The following SNX13 variants were observed in gnomAD, a reference collection of about 807,000 sequenced individuals.
The protein encoded by SNX13 is sorting nexin-13.
In SNX13, 45 loss-of-function variants were observed where a neutral mutation model predicts 133.6. The ratio of observed to expected loss-of-function variants is 0.34; its 90% CI spans 0.27 to 0.43. The LOEUF (loss-of-function observed/expected upper bound fraction) is 0.43. Ranked by LOEUF, SNX13 falls within the 20% of genes least tolerant of loss-of-function variation. The pLI, the probability that SNX13 is intolerant of heterozygous loss-of-function variation, is 1.00. For synonymous variants in SNX13, 414 were observed against 373.9 expected (o/e 1.11, Z -1.24); for missense variants, 1,032 against 1,145.1 (o/e 0.90, Z 1.43).
At chr7:17,887,038 G>C (rs1456705889) in intron 5 of SNX13, among the ~76,000 whole-genome samples, 1 of 150,754 alleles carries the variant, frequency 6.6e-6, no homozygotes, top group Admixed American at 6.6e-5. Flanking sequence ...GAACATAATA[G>C]CAACAATAAT....
chr7:17,872,818 A>G (rs1244661094), intron 8 of SNX13, among the ~76,000 whole-genome samples: 3 of 152,212 alleles, frequency 2.0e-5, no homozygotes, highest in Non-Finnish European at 4.4e-5. Context: ...CAACCAGGAC[A>G]TGTTCTTGTG....
chr7:17,837,205 G>T (rs565294863), intron 13 of SNX13, among the ~76,000 whole-genome samples: 1 of 151,886 alleles, frequency 6.6e-6, no homozygotes, highest in Non-Finnish European at 1.5e-5. Context: ...ATATGATCAC[G>T]GTTCACTGCA....
chr7:17,893,400 T>C lies in SNX13; in HGVS notation c.160A>G (p.Asn54Asp), dbSNP rs766167472. Residue 54 changes from asparagine (N) to aspartate (D), a missense_variant, in exon 3 of 26, where the codon AAC (asparagine) becomes GAC (aspartate). Asn to Asp is a conservative substitution (Grantham distance 23). Coordinates refer to ENST00000428135, the MANE Select transcript of SNX13 (RefSeq NM_015132.5). ...LVVTLLFGKT[N>D]SEKYLEQCEH... ...CACTGTTCTAGGTACTTCTCTGAGT[T>C]TGTTTTTCCAAACAGGAGAGTAACC... The C allele has an allele frequency of 6.4e-7, 1 of 1,570,152 alleles. No individual in the cohort carries two copies. The highest frequency in any genetic ancestry group is 8.7e-7 in the Non-Finnish European group (1 of 1,155,946).
At chr7:17,830,394 G>A (rs1349485420) in intron 15 of SNX13, 3 of 984,278 alleles carry the variant, frequency 3.0e-6, no homozygotes, top group Non-Finnish European at 3.6e-6. Flanking sequence ...TGCAGAATGA[G>A]GCCCATTAGG....
Position 17,814,863 on chromosome 7 carries a change from T to G in SNX13, c.2035A>C (p.Ser679Arg). The G allele has an allele frequency of 6.4e-7, 1 of 1,553,116 alleles. No homozygotes were observed. The highest frequency in any genetic ancestry group is 8.7e-7 in the Non-Finnish European group (1 of 1,154,422). The change falls in exon 20 of 26, where the codon AGT (serine) becomes CGT (arginine). Residue 679 changes from serine (S) to arginine (R), a missense_variant. Coordinates refer to ENST00000428135, the MANE Select transcript of SNX13 (RefSeq NM_015132.5). ...VYDFLENKAY[S>R]KGKGDFARKM... ...CGAGCAAAATCCCCTTTTCCTTTAC[T>G]GTAGGCTTTGTTCTCAAGGAAATCA...
intron 1 of SNX13, among the ~76,000 whole-genome samples, chr7:17,903,783 T>C (rs1798103340): frequency 1.3e-5 from 2 of 152,210 alleles, no homozygotes; most frequent in African/African-American, 4.8e-5. Flanking sequence ...CATAAATGAA[T>C]GCTTTTATCT....
chr7:17,864,567 G>A (rs757507871), intron 9 of SNX13, among the ~76,000 whole-genome samples: 2 of 152,100 alleles, frequency 1.3e-5, no homozygotes, highest in Non-Finnish European at 2.9e-5. Context: ...AGGATGTAAA[G>A]AGAGAGACTG....
In SNX13 at chr7:17,834,112, A is replaced by G. The variant is rs1363188643; in HGVS notation, c.1537T>C (p.Leu513=). The change falls in exon 15 of 26, where the codon TTA becomes CTA. Residue 513 remains leucine, a synonymous_variant. Coordinates refer to ENST00000428135, the MANE Select transcript of SNX13 (RefSeq NM_015132.5). ...TCTTTTAACATGTCAAGCTCAGCTA[A>G]CATGCGCACATAAAGTGCATTCTGT... ...FRQNALYVRM[L]AELDMLKDPS... The G allele has an allele frequency of 6.3e-7, 1 of 1,594,020 alleles. No individual in the cohort carries two copies.
intron 9 of SNX13, among the ~76,000 whole-genome samples, chr7:17,861,606 T>C (rs888991959): frequency 4.6e-5 from 7 of 152,134 alleles, no homozygotes; most frequent in African/African-American, 1.4e-4. Flanking sequence ...TGACAGAGTA[T>C]GACCTTCTGG....
At chr7:17,798,386 A>G (rs1784280614) in intron 24 of SNX13, among the ~76,000 whole-genome samples, 1 of 151,888 alleles carries the variant, frequency 6.6e-6, no homozygotes, top group African/African-American at 2.4e-5. Flanking sequence ...ATATTTGATG[A>G]TACAACCATA....
intron 12 of SNX13, among the ~76,000 whole-genome samples, chr7:17,842,430 A>G (rs1790008808): frequency 6.6e-6 from 1 of 152,086 alleles, no homozygotes; most frequent in African/African-American, 2.4e-5. Context: ...GCATCTTACC[A>G]TAAGACCTGC....
chr7:17,838,301 A>T (rs1447861737), intron 13 of SNX13, among the ~76,000 whole-genome samples: 6 of 151,758 alleles, frequency 4.0e-5, no homozygotes, highest in Non-Finnish European at 7.4e-5. Context: ...TACTCCTTTT[A>T]ATTTCTGTAG....
intron 1 of SNX13, among the ~76,000 whole-genome samples, chr7:17,901,706 T>C (rs1233443882): frequency 6.6e-6 from 1 of 152,202 alleles, no homozygotes; most frequent in Admixed American, 6.5e-5. Flanking sequence ...GCATTGACAA[T>C]TCAATATTGT....
intron 9 of SNX13, among the ~76,000 whole-genome samples, chr7:17,863,719 G>A (rs1369110686): frequency 6.6e-6 from 1 of 152,214 alleles, no homozygotes; most frequent in Non-Finnish European, 1.5e-5. Flanking sequence ...CCAGTACTGT[G>A]CTGCTCTGCA....
At chr7:17,912,690 G>A (rs1288851288) in intron 1 of SNX13, among the ~76,000 whole-genome samples, 1 of 152,158 alleles carries the variant, frequency 6.6e-6, no homozygotes, top group African/African-American at 2.4e-5. Context: ...GGGATTACAG[G>A]CTTGAGCTAC....
chr7:17,872,167 G>A (rs1032389824), intron 8 of SNX13, among the ~76,000 whole-genome samples: 3 of 152,122 alleles, frequency 2.0e-5, no homozygotes, highest in Non-Finnish European at 4.4e-5. Flanking sequence ...CCACAGTAAC[G>A]GATGAGCAAG....
chr7:17,903,232 A>T (rs968195795), intron 1 of SNX13, among the ~76,000 whole-genome samples: 6 of 152,208 alleles, frequency 3.9e-5, no homozygotes, highest in African/African-American at 1.4e-4. Flanking sequence ...CTTAAAATGC[A>T]GATTATGATC....
Position 17,838,526 on chromosome 7 carries a change from A to G in SNX13, c.1359+1281T>C, listed in dbSNP as rs189391147. ...CCTTTCTTCTGTTTGCCTTGGATTT[A>G]TTTTTCATTTCTAGATTTTTAAGTA... is the stretch of plus-strand genomic sequence containing the variant. On this transcript the variant is annotated intron_variant, in intron 13 of 25. Transcript: ENST00000428135. Among the ~76,000 whole-genome samples, 45 of 151,556 alleles carry G rather than the reference A, an allele frequency of 3.0e-4. No individual in the cohort carries two copies. The East Asian group carries it at 7.0e-3, about 24-fold the overall frequency.
intron 5 of SNX13, chr7:17,879,353 T>G (rs993390329): frequency 6.6e-6 from 1 of 152,298 alleles, no homozygotes; most frequent in African/African-American, 2.4e-5. Flanking sequence ...TACAGGCACA[T>G]AGCACTGCAC....
Sources: gnomAD v4.1 joint callset for allele counts (sites outside exome capture counted in the v4.1 genomes callset) on GRCh38, gnomAD v4.1.1 for gene constraint, MANE v1.5 for transcripts, NCBI Gene and HGNC (gene_info 2026-07-23, HGNC 2026-07-21) for gene names.